The following DPYD variants were observed in gnomAD, a reference collection of about 807,000 sequenced individuals.
The protein encoded by DPYD is dihydropyrimidine dehydrogenase [NADP(+)].
In DPYD, 109 loss-of-function variants were observed where a neutral mutation model predicts 116.2. That is an observed-to-expected ratio of 0.94 (90% CI 0.80 to 1.10). The LOEUF is 1.10. Among genes scored for constraint, DPYD ranks in the 50% least tolerant of loss-of-function variants. The probability of loss-of-function intolerance (pLI) is 0.00; values close to 1 mark genes in which losing one functional copy is unlikely to be tolerated. For missense variants in DPYD, 1,302 were observed against 1,254.5 expected (o/e 1.04, Z -0.57); for synonymous variants, 440 against 432.0 (o/e 1.02, Z -0.23).
chr1:97,889,872 A>G (rs1422492633), intron 1 of DPYD, among the ~76,000 whole-genome samples: 1 of 152,032 alleles, frequency 6.6e-6, no homozygotes, highest in Non-Finnish European at 1.5e-5. Flanking sequence ...ACTTCTACTA[A>G]CTTAAAAATA....
intron 20 of DPYD, among the ~76,000 whole-genome samples, chr1:97,115,666 G>C (rs1167415564): frequency 3.9e-5 from 6 of 152,054 alleles, no homozygotes; most frequent in Non-Finnish European, 8.8e-5. Flanking sequence ...TAACAGAAAT[G>C]GTTATAAAAA....
intron 13 of DPYD, among the ~76,000 whole-genome samples, chr1:97,512,023 T>C (rs922500654): frequency 1.3e-5 from 2 of 151,950 alleles, no homozygotes; most frequent in African/African-American, 4.8e-5. Flanking sequence ...TTGAGATCAA[T>C]ACTCAAAACA....
chr1:97,513,941 C>T (rs528724777), intron 13 of DPYD, among the ~76,000 whole-genome samples: 2 of 151,904 alleles, frequency 1.3e-5, no homozygotes, highest in African/African-American at 4.8e-5. Flanking sequence ...AAGGTGGCTT[C>T]ATTATTTTTG....
intron 8 of DPYD, among the ~76,000 whole-genome samples, chr1:97,607,042 A>G (rs1655642098): frequency 2.0e-5 from 3 of 151,982 alleles, no homozygotes; most frequent in African/African-American, 4.8e-5. Context: ...TAATACTTCA[A>G]AGACATTCTA....
chr1:97,118,561 G>C (rs1181175675), intron 20 of DPYD, among the ~76,000 whole-genome samples: 3 of 152,108 alleles, frequency 2.0e-5, no homozygotes, highest in Non-Finnish European at 4.4e-5. Flanking sequence ...AATATAAGCT[G>C]CATTGCTGTT....
chr1:97,733,185 A>T (rs1211724600), intron 4 of DPYD, among the ~76,000 whole-genome samples: 1 of 152,036 alleles, frequency 6.6e-6, no homozygotes, highest in East Asian at 1.9e-4. Flanking sequence ...TATTTTTCTC[A>T]CTCCTTATAC....
chr1:97,480,976 C>T (rs1678263116), intron 13 of DPYD, among the ~76,000 whole-genome samples: 1 of 151,702 alleles, frequency 6.6e-6, no homozygotes, highest in African/African-American at 2.4e-5. Context: ...AGTAAAACTC[C>T]ATCTCAAAAA....
rs554024989 is a variant in DPYD, at chr1:97,382,551, T to C, written c.1906-90A>G. The C allele has an allele frequency of 2.0e-5, 14 of 685,520 alleles. No homozygotes were observed. The African/African-American group carries it at 2.2e-4, about 11-fold the overall frequency. 42.5% of individuals were successfully genotyped at this position (685,520 alleles called of 1,614,324 possible). On this transcript the variant is annotated intron_variant, in intron 14 of 22. Coordinates refer to ENST00000370192, the MANE Select transcript of DPYD (RefSeq NM_000110.4). The stretch of plus-strand genomic sequence containing the variant: ...TAATATTTACATAAATTTATAATGG[T>C]AAACTATATTATAAAATTAGTTTTC...
chr1:97,384,618 G>T (rs1242640032), intron 14 of DPYD, among the ~76,000 whole-genome samples: 3 of 152,078 alleles, frequency 2.0e-5, no homozygotes, highest in Non-Finnish European at 1.5e-5. Context: ...GAAAACTGCT[G>T]GCGATTATAT....
At chr1:97,866,916 T>C (rs888238325) in intron 2 of DPYD, among the ~76,000 whole-genome samples, 1 of 151,760 alleles carries the variant, frequency 6.6e-6, no homozygotes, top group Non-Finnish European at 1.5e-5. Flanking sequence ...ACTAGGAGCC[T>C]GGGAAAACAA....
At chr1:97,434,290 T>G (rs1675341943) in intron 14 of DPYD, among the ~76,000 whole-genome samples, 1 of 152,120 alleles carries the variant, frequency 6.6e-6, no homozygotes, top group African/African-American at 2.4e-5. Flanking sequence ...TCATTCCTTA[T>G]TAATGCTCTA....
chr1:97,425,810 C>T (rs954857475), intron 14 of DPYD, among the ~76,000 whole-genome samples: 3 of 139,438 alleles, frequency 2.2e-5, no homozygotes, highest in Non-Finnish European at 5.1e-5. Context: ...TTCATTAATG[C>T]CTTTTTCAGA....
At chr1:97,625,446 T>C (rs1203279091) in intron 8 of DPYD, among the ~76,000 whole-genome samples, 1 of 151,972 alleles carries the variant, frequency 6.6e-6, no homozygotes, top group Non-Finnish European at 1.5e-5. Flanking sequence ...ATAGATGATA[T>C]ATCAATGGGT....
chr1:97,471,003 G>GTT (rs1677618123), intron 13 of DPYD, among the ~76,000 whole-genome samples: 1 of 151,970 alleles, frequency 6.6e-6, no homozygotes, highest in Non-Finnish European at 1.5e-5. Flanking sequence ...AAAAAAAAAG[G>GTT]TTTCTGAATT....
At chr1:97,502,708 T>C (rs1430199240) in intron 13 of DPYD, among the ~76,000 whole-genome samples, 1 of 151,972 alleles carries the variant, frequency 6.6e-6, no homozygotes, top group African/African-American at 2.4e-5. Flanking sequence ...CCAGTGGAGA[T>C]GGGAAGTGAC....
intron 20 of DPYD, among the ~76,000 whole-genome samples, chr1:97,153,558 A>G (rs1393731803): frequency 6.6e-6 from 1 of 152,148 alleles, no homozygotes; most frequent in Non-Finnish European, 1.5e-5. Flanking sequence ...AGAAGGTGAC[A>G]TTAAAAAAAA....
chr1:97,335,669 A>G (rs1333086834), intron 16 of DPYD, among the ~76,000 whole-genome samples: 2 of 152,194 alleles, frequency 1.3e-5, no homozygotes, highest in East Asian at 3.9e-4. Context: ...GGGTCCCCAT[A>G]GCCCTCTGCA....
rs548735048 is a variant in DPYD at position 97,334,731 on chromosome 1, T to A, written c.2059-28434A>T. Among the ~76,000 whole-genome samples, 23 of 152,274 alleles carry A rather than the reference T, an allele frequency of 1.5e-4. No individual in the cohort carries two copies. In the South Asian group the frequency reaches 4.4e-3, roughly 29 times the overall value. On this transcript the variant is annotated intron_variant, in intron 16 of 22. Transcript: ENST00000370192. ...ACCACATAGTAGGAGCTCAATAAAT[T>A]ATAATTATAAGATCAGTGTCACAAA...
intron 20 of DPYD, among the ~76,000 whole-genome samples, chr1:97,118,046 T>C (rs191212476): frequency 4.5e-4 from 69 of 152,324 alleles, no homozygotes; most frequent in Admixed American, 2.0e-3. Flanking sequence ...AGGATTCTGT[T>C]TTCATTCTTA....
Sources: gnomAD v4.1 joint callset for allele counts (sites outside exome capture counted in the v4.1 genomes callset) on GRCh38, gnomAD v4.1.1 for gene constraint, MANE v1.5 for transcripts, NCBI Gene and HGNC (gene_info 2026-07-23, HGNC 2026-07-21) for gene names.